IKBKB: variants seen among roughly 807,000 people sequenced by gnomAD.
IKBKB encodes inhibitor of nuclear factor kappa-B kinase subunit beta.
Under a neutral mutation model 113.6 loss-of-function variants are expected in IKBKB, and 42 were observed. The ratio of observed to expected loss-of-function variants is 0.37; its 90% CI spans 0.29 to 0.48. IKBKB has a LOEUF of 0.48. Ranked by LOEUF, IKBKB falls within the 20% of genes least tolerant of loss-of-function variation. The pLI is 0.99. For synonymous variants in IKBKB, 296 were observed against 361.3 expected (o/e 0.82, Z 2.05); for missense variants, 673 against 939.7 (o/e 0.72, Z 3.71).
intron 5 of IKBKB, among the ~76,000 whole-genome samples, chr8:42,301,339 T>A (rs3810903): frequency 0.76 from 115,933 of 152,184 alleles, 48,231 homozygotes; most frequent in Non-Finnish European, 0.93. Context: ...ACTTCCAGAT[T>A]CAACAGTATT....
intron 2 of IKBKB, among the ~76,000 whole-genome samples, chr8:42,275,818 G>C (rs1423361458): frequency 6.6e-6 from 1 of 152,076 alleles, no homozygotes; most frequent in East Asian, 1.9e-4. Context: ...TGGGATTGCT[G>C]GATCATATGG....
At chr8:42,328,306 G>C (rs1267528075) in intron 20 of IKBKB, among the ~76,000 whole-genome samples, 1 of 149,826 alleles carries the variant, frequency 6.7e-6, no homozygotes, top group African/African-American at 2.5e-5. Context: ...ATGAGCTCCT[G>C]GAGTATAGTA....
intron 5 of IKBKB, among the ~76,000 whole-genome samples, chr8:42,294,021 C>T (rs1813202623): frequency 6.6e-6 from 1 of 152,226 alleles, no homozygotes; most frequent in Non-Finnish European, 1.5e-5. Context: ...GAAGAGTGAC[C>T]TCAGCCTGCA....
Position 42,316,878 on chromosome 8 carries a change from G to A in IKBKB, c.1099G>A (p.Ala367Thr). Residue 367 changes from alanine (A) to threonine (T), a missense_variant, in exon 11 of 22, where the codon GCC becomes ACC. Physicochemically the swap from Ala to Thr is moderately conservative, Grantham distance 58. Around this residue, in one of 2 missense-constraint regions of IKBKB, gnomAD observed 506 missense variants for 638.7 expected, o/e 0.79. Coordinates refer to ENST00000520810, the MANE Select transcript of IKBKB (RefSeq NM_001556.3). This position sits in a 1 kb window ranked among gnomAD's most constrained non-coding sequence, Gnocchi z 4.5. ...AGLALIPDKPATQCISDGKLN... is the reference protein window; with the variant it reads ...AGLALIPDKPTTQCISDGKLN... ...CCTGGCGTTGATCCCCGATAAGCCT[G>A]CCACTCAGTGTATTTCAGACGGCAA... 1 of 1,614,128 alleles carries A rather than the reference G, an allele frequency of 6.2e-7. No individual in the cohort carries two copies. The highest frequency in any genetic ancestry group is 8.5e-7 in the Non-Finnish European group (1 of 1,180,022).
intron 2 of IKBKB, among the ~76,000 whole-genome samples, chr8:42,284,148 T>C (rs1028040587): frequency 1.3e-5 from 2 of 152,168 alleles, no homozygotes; most frequent in Non-Finnish European, 2.9e-5. Context: ...CTCATAGTCC[T>C]AGAGGCTATG....
At chr8:42,310,806 A>T (rs1020708899) in intron 8 of IKBKB, among the ~76,000 whole-genome samples, 5 of 152,186 alleles carry the variant, frequency 3.3e-5, no homozygotes, top group Admixed American at 6.5e-5. Flanking sequence ...AGGTTACTAT[A>T]ATCTTCATAC....
In IKBKB at chr8:42,316,653, A is replaced by C. The variant is rs1818732138; in HGVS notation, c.931-57A>C. 6.6e-7 allele frequency: 1 copy of C among 1,507,810 alleles called. No homozygotes were observed. Among genetic ancestry groups the C allele is most frequent in the South Asian group, 1.3e-5 (1 of 79,812 alleles). The allele number at this position is 1,507,810 out of a possible 1,614,324, so 93.4% of individuals were successfully genotyped here. A position where few individuals can be genotyped will look rare whatever the true frequency, so the allele number is the denominator to read the frequency against. On this transcript the variant is annotated intron_variant, in intron 10 of 21. Transcript: ENST00000520810. This position sits in a 1 kb window ranked among gnomAD's most constrained non-coding sequence, Gnocchi z 4.5. Reference sequence around the variant, plus strand: ...TAGCAGAGAGAGGACCTAGGCAAATAGATGGGCATTTCCTTGAAGAAATCG... The same window carrying C: ...TAGCAGAGAGAGGACCTAGGCAAATCGATGGGCATTTCCTTGAAGAAATCG...
chr8:42,297,147 A>C (rs1325528647), intron 5 of IKBKB, among the ~76,000 whole-genome samples: 1 of 152,186 alleles, frequency 6.6e-6, no homozygotes, highest in Admixed American at 6.5e-5. Context: ...GGTGCAGTGC[A>C]GCCCCGGTTT....
At chr8:42,305,120 G>A in intron 5 of IKBKB, 67 bp from the exon 6 acceptor site, 1 of 1,020,424 alleles carries the variant, frequency 9.8e-7, no homozygotes, top group Non-Finnish European at 1.6e-6. Flanking sequence ...ATCTTTTGCA[G>A]GATAGGAGAT....
intron 2 of IKBKB, among the ~76,000 whole-genome samples, chr8:42,279,588 G>C (rs1464945596): frequency 6.6e-6 from 1 of 152,150 alleles, no homozygotes; most frequent in East Asian, 1.9e-4. Context: ...AGGAAGTACT[G>C]TTGTCTTTGT....
Position 42,314,367 on chromosome 8 carries a change from C to T in IKBKB, c.738C>T (p.Ser246=), listed in dbSNP as rs151151310. 7.8e-4 allele frequency: 1,253 copies of T among 1,613,986 alleles called. 2 individuals carry two copies. Among genetic ancestry groups the T allele is most frequent in the Admixed American group, 1.7e-3 (102 of 60,018 alleles). ...RQKSEVDIVV[S]EDLNGTVKFS... The stretch of plus-strand genomic sequence containing the variant: ...AGAGTGAGGTGGACATTGTTGTTAG[C>T]GAAGACTTGAATGGAACGGTGAAGT... Residue 246 remains serine (S), a synonymous_variant, in exon 9 of 22, where the codon AGC becomes AGT. Transcript: ENST00000520810.
intron 2 of IKBKB, among the ~76,000 whole-genome samples, chr8:42,286,116 C>A (rs186056582): frequency 6.6e-6 from 1 of 152,182 alleles, no homozygotes; most frequent in Non-Finnish European, 1.5e-5. Flanking sequence ...TGCAAGGTCA[C>A]CATCTGATGG....
intron 21 of IKBKB, chr8:42,329,633 G>A (rs1821429712): frequency 3.0e-6 from 3 of 984,726 alleles, no homozygotes; most frequent in Non-Finnish European, 3.6e-6. Context: ...CCGATGATGA[G>A]GAAGAAGGTA....
In IKBKB at chr8:42,316,582, C is replaced by T; in HGVS notation, c.931-128C>T. ...GCGAAACATGGCACATGACCTCCCT[C>T]CCTCAAGCTAGGCCCTTGCTTTGTG... is the stretch of plus-strand genomic sequence containing the variant. On this transcript the variant is annotated intron_variant, in intron 10 of 21. Coordinates refer to ENST00000520810, the MANE Select transcript of IKBKB (RefSeq NM_001556.3). The surrounding 1 kb of genome is among the most constrained non-coding windows in gnomAD (Gnocchi z 4.5). 2.1e-6 allele frequency: 2 copies of T among 960,588 alleles called. No homozygotes were observed. The highest frequency in any genetic ancestry group is 2.6e-5 in the East Asian group (1 of 38,100). 59.5% of individuals were successfully genotyped at this position (960,588 alleles called of 1,614,324 possible).
chr8:42,327,679 C>T (rs1821043014), intron 20 of IKBKB, among the ~76,000 whole-genome samples: 1 of 144,602 alleles, frequency 6.9e-6, no homozygotes, highest in Non-Finnish European at 1.5e-5. Context: ...GTTGCCTAGG[C>T]TGGAGTGCTA....
Position 42,316,776 on chromosome 8 carries a change from C to A in IKBKB, c.997C>A (p.Leu333Met), listed in dbSNP as rs1236768484. The change falls in exon 11 of 22, where the codon CTG becomes ATG. Residue 333 changes from leucine (L) to methionine (M), a missense_variant. By Grantham distance (15) the Leu-to-Met change is conservative (BLOSUM62 2). Coordinates refer to ENST00000520810, the MANE Select transcript of IKBKB (RefSeq NM_001556.3). The surrounding 1 kb of genome is among the most constrained non-coding windows in gnomAD (Gnocchi z 4.5). ...CTACCCTGTGACAGAGGATGAGAGT[C>A]TGCAGAGCTTGAAGGCCAGAATCCA... is the stretch of plus-strand genomic sequence containing the variant. Reference protein sequence around the residue: ...HTYPVTEDESLQSLKARIQQD... With the variant: ...HTYPVTEDESMQSLKARIQQD... 1 of 1,614,180 alleles carries A rather than the reference C, an allele frequency of 6.2e-7. No individual in the cohort carries two copies. Among genetic ancestry groups the A allele is most frequent in the South Asian group, 1.1e-5 (1 of 91,078 alleles).
At chr8:42,314,477 T>A (rs777314418) in intron 9 of IKBKB, 48 bp downstream of exon 9, 1 of 1,281,550 alleles carries the variant, frequency 7.8e-7, no homozygotes, top group Non-Finnish European at 1.1e-6. Flanking sequence ...TTGCTTTTTT[T>A]AGAAATACAA....
intron 8 of IKBKB, among the ~76,000 whole-genome samples, chr8:42,312,677 C>T (rs1563346494): frequency 6.6e-6 from 1 of 152,116 alleles, no homozygotes; most frequent in South Asian, 2.1e-4. Flanking sequence ...AGGCTTATTC[C>T]ACACTTACAT....
At chr8:42,311,917 C>T (rs1182208499) in intron 8 of IKBKB, among the ~76,000 whole-genome samples, 1 of 152,126 alleles carries the variant, frequency 6.6e-6, no homozygotes, top group Admixed American at 6.6e-5. Flanking sequence ...GACAGAATCT[C>T]GCTTTTTTGC....
Sources: gnomAD v4.1 joint callset for allele counts (sites outside exome capture counted in the v4.1 genomes callset) on GRCh38, gnomAD v4.1.1 for gene constraint, gnomAD v4.1.1 regional missense constraint, Gnocchi (gnomAD v3.1) non-coding constraint, MANE v1.5 for transcripts, NCBI Gene and HGNC (gene_info 2026-07-23, HGNC 2026-07-21) for gene names.